Variants in TADA2A observed in about 807,000 individuals in gnomAD.
TADA2A encodes the protein transcriptional adaptor 2A.
In TADA2A, 38 loss-of-function variants were observed where a neutral mutation model predicts 67.4. The observed-to-expected ratio is 0.56, with a 90% CI of 0.44 to 0.74. The LOEUF is 0.74. Among genes scored for constraint, TADA2A ranks in the 30% least tolerant of loss-of-function variants. TADA2A has a pLI of 0.00. For synonymous variants in TADA2A, 192 were observed against 181.6 expected, an observed-to-expected ratio of 1.06 and a Z score of -0.46; for missense variants, 454 against 547.0, an observed-to-expected ratio of 0.83 and a Z score of 1.70.
chr17:37,434,651 A>T (rs2052668376), intron 4 of TADA2A, among the ~76,000 whole-genome samples: 1 of 152,226 alleles, frequency 6.6e-6, no homozygotes, highest in African/African-American at 2.4e-5. Flanking sequence ...ATTGCAAAAC[A>T]TTAATCTTTT....
At position 37,474,548 on chromosome 17, in the gene TADA2A, G is replaced by C. The variant is rs764277626; in HGVS notation, c.1073-8G>C. 14 of 1,612,954 alleles carry C rather than the reference G, an allele frequency of 8.7e-6. No individual in the cohort carries two copies. In the East Asian group the frequency reaches 2.7e-4, roughly 31 times the overall value. ...TAAATCTATGCTGTTTCCTTTCTCT[G>C]TCTATAGGTAGACGGAGTGCACCAC... is the stretch of plus-strand genomic sequence containing the variant. On this transcript the variant is annotated splice_region_variant and splice_polypyrimidine_tract_variant and intron_variant, in intron 14 of 15. Transcript: ENST00000615182.
At chr17:37,416,822 A>G (rs947027336) in intron 2 of TADA2A, among the ~76,000 whole-genome samples, 4 of 151,022 alleles carry the variant, frequency 2.6e-5, no homozygotes, top group Non-Finnish European at 4.4e-5. Context: ...CCAAGATCGC[A>G]CCACTACACT....
At chr17:37,428,108 G>C (rs2052462928) in intron 4 of TADA2A, among the ~76,000 whole-genome samples, 3 of 152,180 alleles carry the variant, frequency 2.0e-5, no homozygotes, top group Admixed American at 1.3e-4. Context: ...ATCCTGGCAG[G>C]CTTGACAGTT....
chr17:37,469,462 C>A (rs1037873058), intron 12 of TADA2A, among the ~76,000 whole-genome samples: 1 of 151,624 alleles, frequency 6.6e-6, no homozygotes, highest in Non-Finnish European at 1.5e-5. Flanking sequence ...GGAGAAACCC[C>A]GTGTCTACTA....
At chr17:37,458,129 C>T (rs1188447366) in intron 8 of TADA2A, among the ~76,000 whole-genome samples, 1 of 152,066 alleles carries the variant, frequency 6.6e-6, no homozygotes, top group African/African-American at 2.4e-5. Context: ...TCTATGTGTC[C>T]GTGTGTTCTC....
At chr17:37,431,365 A>G (rs1235037042) in intron 4 of TADA2A, among the ~76,000 whole-genome samples, 1 of 151,894 alleles carries the variant, frequency 6.6e-6, no homozygotes, top group Non-Finnish European at 1.5e-5. Context: ...AATTTAGTAT[A>G]GGCATAGACT....
intron 8 of TADA2A, among the ~76,000 whole-genome samples, chr17:37,452,721 A>G (rs772012601): frequency 6.6e-6 from 1 of 152,166 alleles, no homozygotes; most frequent in Non-Finnish European, 1.5e-5. Context: ...GGACTTTTAT[A>G]TGTAGCAACC....
chr17:37,422,488 A>ATTATTATTG (rs2052271994), intron 2 of TADA2A, among the ~76,000 whole-genome samples: 1 of 85,540 alleles, frequency 1.2e-5, no homozygotes, highest in Non-Finnish European at 2.3e-5. Flanking sequence ...GCTGATTATT[A>ATTATTATTG]TTATTATTAT....
rs552032488 is a variant in TADA2A, at chr17:37,477,600, G to T, written c.*618G>T. The T allele has an allele frequency of 6.6e-6, 1 of 152,090 alleles. No homozygotes were observed. Among genetic ancestry groups the T allele is most frequent in the African/African-American group, 2.4e-5 (1 of 41,420 alleles). The allele number at this position is 152,090 out of a possible 1,614,324, so 9.4% of individuals were successfully genotyped here. On this transcript the variant is annotated 3_prime_UTR_variant, in exon 16 of 16. Transcript: ENST00000615182. ...CTGCCTCAGCCTCCCGAATAGCTGG[G>T]ACTACAGGTGTCCACCACCACACCT...
chr17:37,453,218 A>T (rs2053280919), intron 8 of TADA2A, among the ~76,000 whole-genome samples: 1 of 152,270 alleles, frequency 6.6e-6, no homozygotes, highest in South Asian at 2.1e-4. Context: ...AAGGGCAGGT[A>T]GCAGTGAGAT....
intron 5 of TADA2A, among the ~76,000 whole-genome samples, chr17:37,438,292 G>A (rs575600870): frequency 1.2e-4 from 18 of 152,278 alleles, no homozygotes; most frequent in Admixed American, 3.9e-4. Flanking sequence ...ACCTGCCTTA[G>A]TCCAAAACCG....
At chr17:37,460,038 C>T (rs991723995) in intron 9 of TADA2A, among the ~76,000 whole-genome samples, 15 of 151,482 alleles carry the variant, frequency 9.9e-5, no homozygotes, top group Middle Eastern at 6.8e-3. Context: ...TGCACTCCAG[C>T]CTGGGCGACA....
chr17:37,427,453 G>A (rs1048017629), intron 4 of TADA2A, among the ~76,000 whole-genome samples: 1 of 152,144 alleles, frequency 6.6e-6, no homozygotes, highest in Non-Finnish European at 1.5e-5. Context: ...TACCTTCTGA[G>A]AGTCAGGTTA....
At chr17:37,467,829 C>T (rs547695929) in intron 12 of TADA2A, among the ~76,000 whole-genome samples, 1 of 152,246 alleles carries the variant, frequency 6.6e-6, no homozygotes, top group East Asian at 1.9e-4. Context: ...CACCTGTAAT[C>T]CCAGCACTTT....
At chr17:37,434,666 C>A (rs2147952524) in intron 4 of TADA2A, among the ~76,000 whole-genome samples, 1 of 152,304 alleles carries the variant, frequency 6.6e-6, no homozygotes, top group South Asian at 2.1e-4. Flanking sequence ...TCTTTTAATT[C>A]TATCACTCAT....
At chr17:37,465,154 A>G (rs1347233879) in intron 10 of TADA2A, among the ~76,000 whole-genome samples, 1 of 152,060 alleles carries the variant, frequency 6.6e-6, no homozygotes, top group Non-Finnish European at 1.5e-5. Flanking sequence ...TCTCAAAAAA[A>G]AAAAAGACAG....
At chr17:37,470,201 A>T (rs1015314975) in intron 12 of TADA2A, among the ~76,000 whole-genome samples, 199 bp from the exon 13 acceptor site, 2 of 152,200 alleles carry the variant, frequency 1.3e-5, no homozygotes, top group African/African-American at 4.8e-5. Context: ...CAAATGTTTA[A>T]TATTTAATAC....
intron 4 of TADA2A, among the ~76,000 whole-genome samples, chr17:37,433,380 G>A (rs548862507): frequency 9.2e-4 from 140 of 152,208 alleles, no homozygotes; most frequent in African/African-American, 3.1e-3. Flanking sequence ...AACATTGGCC[G>A]GGTGCGGTGG....
At chr17:37,435,161 T>C (rs2052684657) in intron 4 of TADA2A, among the ~76,000 whole-genome samples, 1 of 152,244 alleles carries the variant, frequency 6.6e-6, no homozygotes, top group South Asian at 2.1e-4. Flanking sequence ...TTGGTCATTT[T>C]TCCTGGACCT....
Sources: allele counts gnomAD v4.1 joint callset (sites outside exome capture counted in the v4.1 genomes callset), GRCh38; gene constraint gnomAD v4.1.1; transcripts MANE v1.5; gene names NCBI Gene and HGNC (gene_info 2026-07-23, HGNC 2026-07-21).